The following NOP14 variants were observed in gnomAD, a reference collection of about 807,000 sequenced individuals.
NOP14 encodes NOP14 nucleolar protein, also known as nucleolar protein 14.
NOP14 carries 57 observed loss-of-function variants against 101.6 expected under a neutral mutation model. The ratio of observed to expected loss-of-function variants is 0.56; its 90% CI spans 0.45 to 0.70. The LOEUF (loss-of-function observed/expected upper bound fraction) is 0.70. Among genes scored for constraint, NOP14 ranks in the 30% least tolerant of loss-of-function variants. The probability of loss-of-function intolerance (pLI) is 0.00; values close to 1 mark genes in which losing one functional copy is unlikely to be tolerated. For synonymous variants in NOP14, 428 were observed against 424.0 expected, an observed-to-expected ratio of 1.01 and a Z score of -0.12; for missense variants, 1,134 against 1,075.5, an observed-to-expected ratio of 1.05 and a Z score of -0.76.
intron 12 of NOP14, among the ~76,000 whole-genome samples, chr4:2,944,699 G>A (rs934192840): frequency 3.3e-5 from 5 of 152,186 alleles, no homozygotes; most frequent in Admixed American, 6.5e-5. Context: ...GAGCCACCGC[G>A]CCTGGCCAGA....
chr4:2,962,747 G>A (rs1716161391), intron 1 of NOP14, among the ~76,000 whole-genome samples: 1 of 152,068 alleles, frequency 6.6e-6, no homozygotes, highest in African/African-American at 2.4e-5. Context: ...CTTCGGGAGA[G>A]AGCCGATGAA....
At chr4:2,949,851 C>T in intron 8 of NOP14, 83 bp downstream of exon 8, 1 of 1,527,862 alleles carries the variant, frequency 6.5e-7, no homozygotes, top group South Asian at 1.2e-5. Flanking sequence ...AATGCAACCC[C>T]TGGGAGGGAG....
intron 1 of NOP14, among the ~76,000 whole-genome samples, chr4:2,960,667 ATATTAATAT>A (rs1715674131): frequency 5.1e-5 from 7 of 138,170 alleles, no homozygotes; most frequent in African/African-American, 1.7e-4. Flanking sequence ...ATATATTATT[ATATTAATAT>A]TATATTAATA....
At chr4:2,941,760 A>C (rs1455598130) in intron 14 of NOP14, 31 bp from the exon 15 acceptor site, 1 of 1,602,572 alleles carries the variant, frequency 6.2e-7, no homozygotes, top group Admixed American at 1.7e-5. Context: ...AGGAGGTCCA[A>C]CTTGTTCTGT....
chr4:2,963,301 C>G lies in NOP14; in HGVS notation c.19G>C (p.Val7Leu), dbSNP rs376870483. Residue 7 changes from valine to leucine, a missense_variant, in exon 1 of 18, where the codon GTC (valine) becomes CTC (leucine). Val to Leu is a conservative substitution (Grantham distance 32). Transcript: ENST00000416614. MAKAKK[V>L]GARRKASGAP... Reference sequence around the variant, plus strand: ...CCGGAGGCCTTCCTTCGCGCCCCGACCTTCTTCGCCTTCGCCATGGCGCGC... The same window carrying G: ...CCGGAGGCCTTCCTTCGCGCCCCGAGCTTCTTCGCCTTCGCCATGGCGCGC... The G allele has an allele frequency of 1.1e-5, 18 of 1,587,828 alleles. No homozygotes were observed. The highest frequency in any genetic ancestry group is 1.5e-5 in the Non-Finnish European group (18 of 1,170,720).
rs568015311 is a variant in NOP14 at position 2,954,707 on chromosome 4, G to T, written c.473-144C>A. 4.1e-6 allele frequency: 4 copies of T among 984,962 alleles called. No homozygotes were observed. In the East Asian group the frequency reaches 1.1e-4, roughly 26 times the overall value. 61.0% of individuals were successfully genotyped at this position (984,962 alleles called of 1,614,324 possible). ...AAAAATGCTCACACGCAACAGCCTGGCCTGAGACCACAGGCACAATGGCAC... is the reference window on the plus strand; with the variant it reads ...AAAAATGCTCACACGCAACAGCCTGTCCTGAGACCACAGGCACAATGGCAC... On this transcript the variant is annotated intron_variant, in intron 3 of 17. Coordinates refer to ENST00000416614, the MANE Select transcript of NOP14 (RefSeq NM_001291978.2).
rs371641735 is a variant in NOP14, at chr4:2,938,797, T to C, written c.*34A>G. The C allele has an allele frequency of 1.5e-5, 23 of 1,548,152 alleles. No individual in the cohort carries two copies. Among genetic ancestry groups the C allele is most frequent in the Non-Finnish European group, 1.9e-5 (21 of 1,122,706 alleles). On this transcript the variant is annotated 3_prime_UTR_variant, in exon 18 of 18. Transcript: ENST00000416614. ...GGTTGGAATTGCAGATGTGAGGTAA[T>C]GTCCAGTTCCTTGCCTTATTTATAA...
At chr4:2,939,379 T>G in intron 16 of NOP14, 36 bp from the exon 17 acceptor site, 1 of 1,613,114 alleles carries the variant, frequency 6.2e-7, no homozygotes, top group Non-Finnish European at 8.5e-7. Flanking sequence ...GAAGCAAGAG[T>G]CTGTCCCCAC....
At chr4:2,959,334 T>G (rs574590787) in intron 1 of NOP14, among the ~76,000 whole-genome samples, 2 of 152,332 alleles carry the variant, frequency 1.3e-5, no homozygotes, top group South Asian at 4.1e-4. Context: ...GGCTCACGCC[T>G]GTAATTCCAG....
chr4:2,954,394 G>C (rs775225444), intron 4 of NOP14, 30 bp downstream of exon 4: 2 of 1,609,818 alleles, frequency 1.2e-6, no homozygotes, highest in Non-Finnish European at 1.7e-6. Context: ...TTACCGTGGA[G>C]AAGATGATCA....
intron 7 of NOP14, chr4:2,950,516 T>C (rs1297287789): frequency 4.6e-6 from 2 of 434,594 alleles, no homozygotes; most frequent in Non-Finnish European, 8.4e-6. Flanking sequence ...GGCTGCGGGC[T>C]TTAGCAGGAG....
chr4:2,957,989 A>G (rs1310672953), intron 1 of NOP14, among the ~76,000 whole-genome samples: 1 of 152,212 alleles, frequency 6.6e-6, no homozygotes, highest in South Asian at 2.1e-4. Flanking sequence ...GCCAAAAGGA[A>G]GGGTAAAAAA....
chr4:2,963,245 C>T lies in NOP14; in HGVS notation c.75G>A (p.Ala25=), dbSNP rs1317966734. The T allele has an allele frequency of 6.3e-7, 1 of 1,590,164 alleles. No individual in the cohort carries two copies. The highest frequency in any genetic ancestry group is 1.1e-5 in the South Asian group (1 of 89,226). Residue 25 remains alanine (A), a synonymous_variant, in exon 1 of 18, where the codon GCG becomes GCA. Coordinates refer to ENST00000416614, the MANE Select transcript of NOP14 (RefSeq NM_001291978.2). ...GAPAGARGGP[A]KANSNPFEVK... ...CCTCGAACGGATTGGAGTTGGCCTT[C>T]GCCGGGCCCCCTCGCGCTCCCGCCG...
chr4:2,945,337 G>T, intron 11 of NOP14, 108 bp from the exon 12 acceptor site: 1 of 815,076 alleles, frequency 1.2e-6, no homozygotes, highest in Admixed American at 2.1e-5. Flanking sequence ...AGGAGAGGGT[G>T]CATCTCCTTG....
Position 2,938,436 on chromosome 4 carries a change from C to G in NOP14, c.*395G>C, listed in dbSNP as rs1264129992. 8.6e-6 allele frequency: 3 copies of G among 350,348 alleles called. No individual in the cohort carries two copies. Among genetic ancestry groups the G allele is most frequent in the East Asian group, 7.9e-5 (1 of 12,632 alleles). 21.7% of individuals were successfully genotyped at this position (350,348 alleles called of 1,614,324 possible). On this transcript the variant is annotated 3_prime_UTR_variant, in exon 18 of 18. Transcript: ENST00000416614. Reference sequence around the variant, plus strand: ...TCGGGAGGCTGAGGCAGGAGAATCGCTTGAACCCAGGAGGTGGAGGTTGTG... The same window carrying G: ...TCGGGAGGCTGAGGCAGGAGAATCGGTTGAACCCAGGAGGTGGAGGTTGTG...
In NOP14 at chr4:2,963,275, C is replaced by T. The variant is rs765623940; in HGVS notation, c.45G>A (p.Gly15=). ...GGCCCCCTCGCGCTCCCGCCGGCGC[C>T]CCGGAGGCCTTCCTTCGCGCCCCGA... is the stretch of plus-strand genomic sequence containing the variant. The part of the protein sequence containing the change: ...KKVGARRKAS[G]APAGARGGPA... Residue 15 remains glycine, a synonymous_variant, in exon 1 of 18, where the codon GGG becomes GGA. Coordinates refer to ENST00000416614, the MANE Select transcript of NOP14 (RefSeq NM_001291978.2). The T allele has an allele frequency of 6.3e-7, 1 of 1,591,886 alleles. No individual in the cohort carries two copies. Among genetic ancestry groups the T allele is most frequent in the African/African-American group, 1.4e-5 (1 of 72,056 alleles).
chr4:2,947,989 G>T (rs538689502), intron 9 of NOP14, among the ~76,000 whole-genome samples: 1 of 152,242 alleles, frequency 6.6e-6, no homozygotes, highest in Non-Finnish European at 1.5e-5. Flanking sequence ...TCTGCCACAC[G>T]CTGGCTATGT....
intron 1 of NOP14, among the ~76,000 whole-genome samples, chr4:2,958,639 G>A (rs1396685413): frequency 6.6e-6 from 1 of 152,136 alleles, no homozygotes; most frequent in African/African-American, 2.4e-5. Flanking sequence ...CATCTAACCC[G>A]ACTTAAGTGT....
At chr4:2,949,844 G>A (rs1469148616) in intron 8 of NOP14, 90 bp downstream of exon 8, 2 of 1,479,260 alleles carry the variant, frequency 1.4e-6, no homozygotes, top group Admixed American at 3.5e-5. Flanking sequence ...TTCCACAAAT[G>A]CAACCCCTGG....
Sources: gnomAD v4.1 joint callset for allele counts (sites outside exome capture counted in the v4.1 genomes callset) on GRCh38, gnomAD v4.1.1 for gene constraint, MANE v1.5 for transcripts, NCBI Gene and HGNC (gene_info 2026-07-23, HGNC 2026-07-21) for gene names.